Variants in UVSSA observed in about 807,000 individuals in gnomAD.
UVSSA encodes UV-stimulated scaffold protein A.
In UVSSA, 72 loss-of-function variants were observed where a neutral mutation model predicts 73.9. That is an observed-to-expected ratio of 0.97 (90% CI 0.81 to 1.19). The LOEUF (loss-of-function observed/expected upper bound fraction) is 1.19. Among genes scored for constraint, UVSSA ranks in the 50% most tolerant of loss-of-function variants. The pLI, the probability that UVSSA is intolerant of heterozygous loss-of-function variation, is 0.00. For synonymous variants in UVSSA, 454 were observed against 391.3 expected (o/e 1.16, Z -1.89); for missense variants, 1,150 against 965.0 (o/e 1.19, Z -2.54).
intron 8 of UVSSA, among the ~76,000 whole-genome samples, chr4:1,369,889 C>A (rs755509289): frequency 2.6e-5 from 4 of 152,252 alleles, no homozygotes; most frequent in Non-Finnish European, 4.4e-5. Flanking sequence ...AGACGCCGTG[C>A]GGGCAAGGCG....
rs2109086661 is a variant in UVSSA, at chr4:1,353,190, C to T, written c.711C>T (p.Pro237=). Residue 237 remains proline (P), a synonymous_variant, in exon 5 of 14, where the codon CCC becomes CCT. Transcript: ENST00000389851. ...CCTCCTGCGCGGGCCAGGTGGGCCC[C>T]TGCCGGTCTGGCACCCCTGACCCCC... ...LRSSCAGQVG[P]CRSGTPDPRD... The T allele has an allele frequency of 1.2e-6, 2 of 1,612,852 alleles. No individual in the cohort carries two copies. Among genetic ancestry groups the T allele is most frequent in the Non-Finnish European group, 1.7e-6 (2 of 1,179,978 alleles).
At chr4:1,356,385 C>A (rs942305334) in intron 7 of UVSSA, among the ~76,000 whole-genome samples, 1 of 152,188 alleles carries the variant, frequency 6.6e-6, no homozygotes, top group Non-Finnish European at 1.5e-5. Flanking sequence ...CCCCCAGGGG[C>A]CAGCAGAGGG....
At chr4:1,388,580 G>A (rs939947653), downstream of UVSSA, 1 of 152,200 alleles carries the variant, frequency 6.6e-6, no homozygotes, top group South Asian at 2.1e-4. Flanking sequence ...CATTGAATGT[G>A]ATGCTAACAA....
intron 6 of UVSSA, 106 bp from the exon 7 acceptor site, chr4:1,355,011 G>C: frequency 1.3e-6 from 2 of 1,543,350 alleles, no homozygotes; most frequent in Non-Finnish European, 1.7e-6. Context: ...TCCCAGGTGT[G>C]CCAGGGACCC....
Position 1,386,636 on chromosome 4 carries a change from T to G in UVSSA, c.*675T>G, listed in dbSNP as rs1270552665. ...TCTTCTCGTGGGCTTACTGGCCATT[T>G]GTGTATCTCCTTTGGAGAGGAGTCT... On this transcript the variant is annotated 3_prime_UTR_variant, in exon 14 of 14. Coordinates refer to ENST00000389851, the MANE Select transcript of UVSSA (RefSeq NM_020894.4). 6.6e-6 allele frequency: 1 copy of G among 152,334 alleles called. No individual in the cohort carries two copies. The highest frequency in any genetic ancestry group is 1.5e-5 in the Non-Finnish European group (1 of 68,128). 9.4% of individuals were successfully genotyped at this position (152,334 alleles called of 1,614,324 possible). A position where few individuals can be genotyped will look rare whatever the true frequency, so the allele number is the denominator to read the frequency against.
At chr4:1,345,960 G>A (rs1413332319), upstream of UVSSA, among the ~76,000 whole-genome samples, 1 of 152,120 alleles carries the variant, frequency 6.6e-6, no homozygotes, top group Non-Finnish European at 1.5e-5. Context: ...TGGATGCACA[G>A]GGCAAGGGGC....
At chr4:1,368,723 C>T (rs1717647860) in intron 8 of UVSSA, among the ~76,000 whole-genome samples, 1 of 152,274 alleles carries the variant, frequency 6.6e-6, no homozygotes, top group South Asian at 2.1e-4. Flanking sequence ...TAGGCTGTCC[C>T]AGCCTGACCC....
Position 1,347,288 on chromosome 4 carries a change from C to T in UVSSA, c.-475C>T, listed in dbSNP as rs1220161676. 7.3e-6 allele frequency: 1 copy of T among 136,218 alleles called. No homozygotes were observed. The highest frequency in any genetic ancestry group is 1.7e-5 in the Non-Finnish European group (1 of 57,578). The allele number at this position is 136,218 out of a possible 1,614,324, so 8.4% of individuals were successfully genotyped here. A position where few individuals can be genotyped will look rare whatever the true frequency, so the allele number is the denominator to read the frequency against. On this transcript the variant is annotated 5_prime_UTR_variant, in exon 1 of 14. Coordinates refer to ENST00000389851, the MANE Select transcript of UVSSA (RefSeq NM_020894.4). ...GGTCGCGCCGGTTCGGTCCCCGGGG[C>T]TCTGCGGGCGCCGGGCAGAGACCTG... is the stretch of plus-strand genomic sequence containing the variant.
chr4:1,362,374 C>CCCT (rs1553880276), intron 7 of UVSSA, among the ~76,000 whole-genome samples: 7 of 152,206 alleles, frequency 4.6e-5, no homozygotes, highest in Non-Finnish European at 8.8e-5. Flanking sequence ...GGGGACTTGG[C>CCCT]CCATTAGGGA....
At chr4:1,357,502 C>T (rs774238855) in intron 7 of UVSSA, among the ~76,000 whole-genome samples, 1 of 152,238 alleles carries the variant, frequency 6.6e-6, no homozygotes, top group African/African-American at 2.4e-5. Flanking sequence ...GGGCAGCCTC[C>T]GGGACTGCTG....
rs1215157032 is a variant in UVSSA, at chr4:1,354,738, G to A, written c.938G>A (p.Gly313Asp). The stretch of plus-strand genomic sequence containing the variant: ...ACCTCTGTGTGCTTCTCCCCAGAGG[G>A]CCTGAAGGTGCAGGAGAACGAGGAC... ...YTLDVELCSE[G>D]LKVQENEDNL... is the part of the protein sequence containing the mutation. Residue 313 changes from glycine to aspartate, a missense_variant, in exon 6 of 14, where the codon GGC becomes GAC. By Grantham distance (94) the Gly-to-Asp change is moderately conservative (BLOSUM62 -1). Transcript: ENST00000389851. 1.2e-6 allele frequency: 2 copies of A among 1,613,216 alleles called. No individual in the cohort carries two copies. The highest frequency in any genetic ancestry group is 2.2e-5 in the East Asian group (1 of 44,848).
At chr4:1,363,461 A>G (rs1716917754) in intron 7 of UVSSA, among the ~76,000 whole-genome samples, 2 of 152,234 alleles carry the variant, frequency 1.3e-5, no homozygotes, top group African/African-American at 4.8e-5. Flanking sequence ...AACAGGAAGC[A>G]TAATATTTTT....
At chr4:1,385,777 G>A (rs1444367194) in intron 13 of UVSSA, 91 bp from the exon 14 acceptor site, 1 of 1,348,764 alleles carries the variant, frequency 7.4e-7, no homozygotes, top group African/African-American at 1.4e-5. Flanking sequence ...GTTGCCCCAG[G>A]ACCAGTGCCT....
chr4:1,392,602 A>G (rs1364922841), downstream of UVSSA: 1 of 152,192 alleles, frequency 6.6e-6, no homozygotes, highest in Non-Finnish European at 1.5e-5. Context: ...ATGTCATTCC[A>G]CTGCCTCTGG....
chr4:1,349,682 TC>T lies in UVSSA; in HGVS notation c.259del (p.Leu87TrpfsTer23), dbSNP rs1309746044. ...CTGGTTGTTTCCAACTTCCAGGAGT[TC>T]CTGGAGCTCACGCTGGGCACAGACC... ...RMLVVSNFQE[F>X]LELTLGTDPA... On this transcript the variant is annotated frameshift_variant, in exon 3 of 14. Coordinates refer to ENST00000389851, the MANE Select transcript of UVSSA (RefSeq NM_020894.4). LOFTEE classifies it high-confidence loss of function. 6.2e-7 allele frequency: 1 copy of T among 1,613,906 alleles called. No homozygotes were observed. The highest frequency in any genetic ancestry group is 1.7e-5 in the Admixed American group (1 of 60,010).
rs1443548569 is a variant in UVSSA at position 1,386,362 on chromosome 4, C to G, written c.*401C>G. ...ACTCAGAGGAACTCTGGGAAACCCA[C>G]TTTTGTGCAAATGCTGTTTTTAACA... is the stretch of plus-strand genomic sequence containing the variant. On this transcript the variant is annotated 3_prime_UTR_variant, in exon 14 of 14. Coordinates refer to ENST00000389851, the MANE Select transcript of UVSSA (RefSeq NM_020894.4). 5.6e-6 allele frequency: 1 copy of G among 178,274 alleles called. No individual in the cohort carries two copies. The highest frequency in any genetic ancestry group is 1.3e-4 in the South Asian group (1 of 7,518). 11.0% of individuals were successfully genotyped at this position (178,274 alleles called of 1,614,324 possible).
At chr4:1,342,583 G>C (rs1713468690), upstream of UVSSA, among the ~76,000 whole-genome samples, 1 of 152,114 alleles carries the variant, frequency 6.6e-6, no homozygotes, top group Non-Finnish European at 1.5e-5. Context: ...GCCTATTCCA[G>C]GGTTGCAATA....
chr4:1,352,269 C>T (rs1446739607), intron 4 of UVSSA, among the ~76,000 whole-genome samples: 1 of 152,212 alleles, frequency 6.6e-6, no homozygotes, highest in Non-Finnish European at 1.5e-5. Context: ...GGGGGTGCCA[C>T]GGCCCTCCTG....
chr4:1,359,844 A>C (rs777489452), intron 7 of UVSSA, among the ~76,000 whole-genome samples: 9 of 142,046 alleles, frequency 6.3e-5, no homozygotes, highest in Non-Finnish European at 1.0e-4. Flanking sequence ...AGTGGGCTCC[A>C]GGATGCAGCT....
Sources: gnomAD v4.1 joint callset for allele counts (sites outside exome capture counted in the v4.1 genomes callset) on GRCh38, gnomAD v4.1.1 for gene constraint, MANE v1.5 for transcripts, NCBI Gene and HGNC (gene_info 2026-07-23, HGNC 2026-07-21) for gene names.